The following PROCR variants were observed in gnomAD, a reference collection of about 807,000 sequenced individuals.
PROCR encodes the protein protein C receptor.
Under a neutral mutation model 24.2 loss-of-function variants are expected in PROCR, and 22 were observed. The observed-to-expected ratio is 0.91, with a 90% CI of 0.65 to 1.30. PROCR has a LOEUF of 1.30. Among genes scored for constraint, PROCR ranks in the 50% most tolerant of loss-of-function variants. The pLI is 0.00. For missense variants in PROCR, 288 were observed against 307.7 expected (o/e 0.94, Z 0.48); for synonymous variants, 137 against 139.2 (o/e 0.98, Z 0.11).
rs751686336 is a variant in PROCR, at chr20:35,176,144, C to T, written c.323-24C>T. ...CCTGGCACCCTCTCTGCACAGTCCC[C>T]TGACCCTGACTGTCTATCCACAGTT... On this transcript the variant is annotated intron_variant, in intron 2 of 3. Transcript: ENST00000216968. 9.3e-6 allele frequency: 15 copies of T among 1,606,148 alleles called. 1 individual carries two copies. The South Asian group carries it at 1.3e-4, about 14-fold the overall frequency.
intron 2 of PROCR, among the ~76,000 whole-genome samples, chr20:35,175,899 G>GTTT (rs370936992): frequency 3.6e-4 from 53 of 147,762 alleles, no homozygotes; most frequent in Admixed American, 3.6e-3. Flanking sequence ...CTCACCCCCT[G>GTTT]TTTTTTTTTT....
At chr20:35,179,066 C>T (rs2086054210), downstream of PROCR, among the ~76,000 whole-genome samples, 1 of 149,836 alleles carries the variant, frequency 6.7e-6, no homozygotes, top group South Asian at 2.1e-4. Flanking sequence ...CCTGTCTCTA[C>T]TAAACAAAAA....
At chr20:35,172,501 AAT>A (rs1405528477) in intron 1 of PROCR, among the ~76,000 whole-genome samples, 2 of 152,072 alleles carry the variant, frequency 1.3e-5, no homozygotes, top group African/African-American at 4.8e-5. Context: ...AGGGTAGGAG[AAT>A]CAGCCCCAGG....
At chr20:35,194,468 G>C (rs1038701565) in intron 1 of PROCR, among the ~76,000 whole-genome samples, 6 of 152,160 alleles carry the variant, frequency 3.9e-5, no homozygotes, top group Admixed American at 3.9e-4. Flanking sequence ...TGGCTGGAGT[G>C]ATGTCCTGGA....
At chr20:35,205,290 T>A (rs2060333826) in intron 1 of PROCR, among the ~76,000 whole-genome samples, 1 of 145,940 alleles carries the variant, frequency 6.9e-6, no homozygotes, top group Admixed American at 7.0e-5. Flanking sequence ...ATAATAATAA[T>A]AAATAAATGA....
intron 1 of PROCR, among the ~76,000 whole-genome samples, chr20:35,173,537 C>T (rs2085973009): frequency 7.0e-6 from 1 of 143,422 alleles, no homozygotes; most frequent in Non-Finnish European, 1.5e-5. Flanking sequence ...TCAGGCGATT[C>T]TCCTGCCTCA....
intron 1 of PROCR, among the ~76,000 whole-genome samples, chr20:35,192,534 G>A (rs2086182321): frequency 6.6e-6 from 1 of 152,128 alleles, no homozygotes; most frequent in African/African-American, 2.4e-5. Flanking sequence ...TGCAGCTGCA[G>A]GCATATCCCC....
At position 35,173,621 on chromosome 20, in the gene PROCR, G is replaced by A. The variant is rs369821356; in HGVS notation, c.71-1081G>A. Among the ~76,000 whole-genome samples the A allele has an allele frequency of 2.4e-4, 37 of 151,854 alleles. No homozygotes were observed. In the East Asian group the frequency reaches 6.6e-3, roughly 27 times the overall value. On this transcript the variant is annotated intron_variant, in intron 1 of 3. Coordinates refer to ENST00000216968, the MANE Select transcript of PROCR (RefSeq NM_006404.5). Reference sequence around the variant, plus strand: ...ATATTTGTATTTTTAGTACAGATGGGGTTTCGCCATGTTGGCCAGGCTGGT... The same window carrying A: ...ATATTTGTATTTTTAGTACAGATGGAGTTTCGCCATGTTGGCCAGGCTGGT...
At chr20:35,190,839 G>T (rs2086167430) in intron 1 of PROCR, among the ~76,000 whole-genome samples, 1 of 152,108 alleles carries the variant, frequency 6.6e-6, no homozygotes, top group Admixed American at 6.6e-5. Context: ...TATGTTCAAA[G>T]ATGATGGTCC....
chr20:35,207,511 G>A (rs1386309731), intron 1 of PROCR, among the ~76,000 whole-genome samples: 2 of 133,578 alleles, frequency 1.5e-5, no homozygotes, highest in Non-Finnish European at 3.3e-5. Flanking sequence ...TCTTGAGCCT[G>A]AAATTAGTTA....
chr20:35,178,507 G>GTTTTGTTGTTTTTTTTTT (rs1272557859), downstream of PROCR, among the ~76,000 whole-genome samples: 1 of 34,372 alleles, frequency 2.9e-5, no homozygotes, highest in African/African-American at 1.8e-4. Context: ...TCAAGTCTCA[G>GTTTTGTTGTTTTTTTTTT]TTTTTTTTTT....
intron 1 of PROCR, among the ~76,000 whole-genome samples, chr20:35,196,819 T>C (rs1036508720): frequency 2.0e-5 from 3 of 152,228 alleles, no homozygotes; most frequent in African/African-American, 7.2e-5. Context: ...TAAAGTTAGG[T>C]TATTTTTCTC....
chr20:35,172,619 T>G (rs2085962103), intron 1 of PROCR, among the ~76,000 whole-genome samples: 2 of 151,454 alleles, frequency 1.3e-5, no homozygotes. Context: ...GGGAAGACCC[T>G]GGGAAAACTG....
At chr20:35,175,225 G>T (rs1403321057) in intron 2 of PROCR, among the ~76,000 whole-genome samples, 1 of 151,880 alleles carries the variant, frequency 6.6e-6, no homozygotes. Flanking sequence ...ACACCGTGAC[G>T]TCGAAGGTCC....
At chr20:35,183,097 T>C (rs1237104124) in intron 1 of PROCR, among the ~76,000 whole-genome samples, 1 of 152,226 alleles carries the variant, frequency 6.6e-6, no homozygotes, top group East Asian at 1.9e-4. Context: ...CTTGCGTTTA[T>C]CATTTAATAC....
intron 1 of PROCR, 69 bp from the exon 2 acceptor site, chr20:35,174,633 G>A: frequency 6.3e-7 from 1 of 1,599,486 alleles, no homozygotes; most frequent in Non-Finnish European, 8.5e-7. Context: ...CGAGGTAGGG[G>A]GTTATTATCT....
intron 1 of PROCR, 124 bp from the exon 2 acceptor site, chr20:35,174,578 G>A (rs939961402): frequency 5.0e-6 from 6 of 1,197,136 alleles, no homozygotes; most frequent in African/African-American, 1.5e-5. Context: ...CGGTGGGAGG[G>A]CACATTATAG....
intron 1 of PROCR, among the ~76,000 whole-genome samples, chr20:35,206,926 A>G (rs879242023): frequency 1.3e-5 from 2 of 152,246 alleles, no homozygotes; most frequent in Admixed American, 1.3e-4. Context: ...TGCCAAAACT[A>G]GAAACAACCT....
chr20:35,179,915 A>G (rs1156973696), downstream of PROCR, among the ~76,000 whole-genome samples: 1 of 152,114 alleles, frequency 6.6e-6, no homozygotes, highest in Non-Finnish European at 1.5e-5. Context: ...TTTGTGGTAA[A>G]CATGAAGGTG....
Sources: gnomAD v4.1 joint callset for allele counts (sites outside exome capture counted in the v4.1 genomes callset) on GRCh38, gnomAD v4.1.1 for gene constraint, MANE v1.5 for transcripts, NCBI Gene and HGNC (gene_info 2026-07-23, HGNC 2026-07-21) for gene names.